The following SLCO6A1 variants were observed in gnomAD, a reference collection of about 807,000 sequenced individuals.
The protein encoded by SLCO6A1 is solute carrier organic anion transporter family member 6A1, also known as cancer/testis antigen 48.
In SLCO6A1, 65 loss-of-function variants were observed where a neutral mutation model predicts 72.7. That is an observed-to-expected ratio of 0.89 (90% CI 0.73 to 1.10). The LOEUF is 1.10. Ranked by LOEUF, SLCO6A1 falls within the 50% of genes least tolerant of loss-of-function variation. The probability of loss-of-function intolerance (pLI) is 0.00; values close to 1 mark genes in which losing one functional copy is unlikely to be tolerated. For missense variants in SLCO6A1, 874 were observed against 872.6 expected, an observed-to-expected ratio of 1.00 and a Z score of -0.02; for synonymous variants, 314 against 298.2, an observed-to-expected ratio of 1.05 and a Z score of -0.55.
chr5:102,475,846 G>C (rs946158079), intron 3 of SLCO6A1, 53 bp from the exon 4 acceptor site: 3 of 1,375,788 alleles, frequency 2.2e-6, no homozygotes, highest in Non-Finnish European at 3.0e-6. Flanking sequence ...AGCCAGCTTC[G>C]TTATGATAAA....
intron 7 of SLCO6A1, 81 bp from the exon 8 acceptor site, chr5:102,420,102 T>C (rs937901589): frequency 8.4e-7 from 1 of 1,193,480 alleles, no homozygotes; most frequent in Admixed American, 3.5e-5. Context: ...ACAATTTCCT[T>C]TGCTCTAAAC....
chr5:102,407,472 T>C (rs1346714521), intron 9 of SLCO6A1, among the ~76,000 whole-genome samples: 2 of 152,218 alleles, frequency 1.3e-5, no homozygotes, highest in Non-Finnish European at 2.9e-5. Flanking sequence ...CCTTGAATTC[T>C]TTCCTGGGCA....
intron 4 of SLCO6A1, among the ~76,000 whole-genome samples, chr5:102,464,084 G>A (rs530658820): frequency 9.2e-5 from 14 of 151,928 alleles, no homozygotes; most frequent in East Asian, 7.7e-4. Flanking sequence ...TACACATTGC[G>A]TACAGTGTAC....
At position 102,373,351 on chromosome 5, in the gene SLCO6A1, G is replaced by A; in HGVS notation, c.*1C>T. The stretch of plus-strand genomic sequence containing the variant: ...GTAATTCTTACACAATGATGATCCA[G>A]TTACAAGTCAGTTTCTTCTTTTTTC... On this transcript the variant is annotated 3_prime_UTR_variant, in exon 13 of 14. Transcript: ENST00000506729. The A allele has an allele frequency of 1.3e-6, 2 of 1,557,124 alleles. No individual in the cohort carries two copies. The highest frequency in any genetic ancestry group is 1.7e-6 in the Non-Finnish European group (2 of 1,156,942).
intron 4 of SLCO6A1, among the ~76,000 whole-genome samples, chr5:102,470,112 A>C (rs1168401161): frequency 6.6e-6 from 1 of 152,066 alleles, no homozygotes; most frequent in Non-Finnish European, 1.5e-5. Context: ...ATTGGCCTAA[A>C]ATTCTCTTTT....
chr5:102,398,032 G>A (rs1239140587), intron 10 of SLCO6A1, among the ~76,000 whole-genome samples: 2 of 152,034 alleles, frequency 1.3e-5, no homozygotes, highest in Non-Finnish European at 2.9e-5. Context: ...ATATTGTACT[G>A]ATCATCTTCA....
At chr5:102,391,123 T>A in intron 10 of SLCO6A1, 78 bp from the exon 11 acceptor site, 2 of 1,374,440 alleles carry the variant, frequency 1.5e-6, no homozygotes, top group South Asian at 1.2e-5. Context: ...TCAAGGCTAA[T>A]CATTTTTTTT....
intron 4 of SLCO6A1, among the ~76,000 whole-genome samples, chr5:102,466,738 T>A (rs1294315408): frequency 1.3e-5 from 2 of 152,182 alleles, no homozygotes; most frequent in African/African-American, 4.8e-5. Flanking sequence ...AGTACCTCAT[T>A]GCGGTTTTGA....
intron 7 of SLCO6A1, among the ~76,000 whole-genome samples, chr5:102,434,695 G>A (rs767212836): frequency 6.6e-6 from 1 of 152,176 alleles, no homozygotes; most frequent in Non-Finnish European, 1.5e-5. Context: ...GCTGAAGTAG[G>A]TTTAAAGACA....
chr5:102,382,495 T>A (rs1580324427), intron 12 of SLCO6A1, among the ~76,000 whole-genome samples: 2 of 20,266 alleles, frequency 9.9e-5, no homozygotes, highest in Admixed American at 3.8e-4. Flanking sequence ...AATTTTAGGA[T>A]TTTTTTTTTT....
At chr5:102,458,705 T>C (rs1277146216) in intron 5 of SLCO6A1, among the ~76,000 whole-genome samples, 4 of 152,180 alleles carry the variant, frequency 2.6e-5, no homozygotes, top group Non-Finnish European at 4.4e-5. Flanking sequence ...AAACTTTCCA[T>C]ATCTGCCCAG....
intron 12 of SLCO6A1, among the ~76,000 whole-genome samples, chr5:102,388,013 T>C (rs576153754): frequency 5.5e-4 from 84 of 152,324 alleles, no homozygotes; most frequent in African/African-American, 2.0e-3. Context: ...TATTGTGTTC[T>C]AGGCACTGTT....
At chr5:102,421,894 G>A (rs958790998) in intron 7 of SLCO6A1, among the ~76,000 whole-genome samples, 1 of 152,192 alleles carries the variant, frequency 6.6e-6, no homozygotes, top group Non-Finnish European at 1.5e-5. Context: ...TTTGGCAGGT[G>A]TCCATCTGGG....
At chr5:102,450,915 A>G (rs1043008672) in intron 6 of SLCO6A1, among the ~76,000 whole-genome samples, 3 of 152,134 alleles carry the variant, frequency 2.0e-5, no homozygotes, top group Admixed American at 6.5e-5. Context: ...TTGCCAGCCT[A>G]AGGATAGTAA....
intron 7 of SLCO6A1, among the ~76,000 whole-genome samples, chr5:102,421,416 G>T (rs1748597518): frequency 6.6e-6 from 1 of 152,160 alleles, no homozygotes; most frequent in Admixed American, 6.5e-5. Flanking sequence ...GTCAACCTAA[G>T]ATGCTCGAGC....
intron 1 of SLCO6A1, among the ~76,000 whole-genome samples, chr5:102,495,281 G>C (rs1034937817): frequency 1.3e-5 from 2 of 152,216 alleles, no homozygotes; most frequent in Admixed American, 6.5e-5. Context: ...AAATTTTAGT[G>C]TGATGGAAAG....
At chr5:102,442,656 T>A (rs963342988) in intron 6 of SLCO6A1, among the ~76,000 whole-genome samples, 1 of 152,216 alleles carries the variant, frequency 6.6e-6, no homozygotes, top group Non-Finnish European at 1.5e-5. Flanking sequence ...TCTTTCAGAT[T>A]AAAAGGAACA....
chr5:102,383,973 A>G (rs929567979), intron 12 of SLCO6A1, among the ~76,000 whole-genome samples: 16 of 151,724 alleles, frequency 1.1e-4, no homozygotes, highest in African/African-American at 3.9e-4. Context: ...TTTGATGTAT[A>G]ATTTTTCATA....
intron 7 of SLCO6A1, among the ~76,000 whole-genome samples, chr5:102,427,395 T>C (rs1387367115): frequency 2.6e-5 from 4 of 152,154 alleles, no homozygotes; most frequent in Non-Finnish European, 5.9e-5. Flanking sequence ...CTCACATGGA[T>C]AGTATATTCC....
Sources: allele counts gnomAD v4.1 joint callset (sites outside exome capture counted in the v4.1 genomes callset), GRCh38; gene constraint gnomAD v4.1.1; transcripts MANE v1.5; gene names NCBI Gene and HGNC (gene_info 2026-07-23, HGNC 2026-07-21).